The following HDAC9 variants were observed in gnomAD, a reference collection of about 807,000 sequenced individuals.
The protein encoded by HDAC9 is histone deacetylase 9, also known as MEF-2 interacting transcription repressor (MITR) protein.
Under a neutral mutation model 139.4 loss-of-function variants are expected in HDAC9, and 41 were observed. The observed-to-expected ratio is 0.29, with a 90% confidence interval of 0.23 to 0.38. The LOEUF is 0.38. Among genes scored for constraint, HDAC9 ranks in the 10% least tolerant of loss-of-function variants. The pLI is 1.00. For missense variants in HDAC9, 1,147 were observed against 1,297.0 expected (o/e 0.88, Z 1.78); for synonymous variants, 517 against 476.2 (o/e 1.09, Z -1.12).
intron 2 of HDAC9, among the ~76,000 whole-genome samples, chr7:18,182,244 T>C (rs1291236471): frequency 1.3e-5 from 2 of 152,162 alleles, no homozygotes; most frequent in African/African-American, 4.8e-5. Flanking sequence ...GAGGGTAAAA[T>C]GTATTTTATT....
Position 18,874,520 on chromosome 7 carries a change from G to T in HDAC9, c.2727G>T (p.Met909Ile), listed in dbSNP as rs1259851552. ...TGGCCAAAGAGTTTGATCCAGACAT[G>T]GTCTTAGTATCTGCTGGATTTGATG... ...KPVAKEFDPDMVLVSAGFDAL... is the reference protein window; with the variant it reads ...KPVAKEFDPDIVLVSAGFDAL... The change falls in exon 22 of 26, where the codon ATG (methionine) becomes ATT (isoleucine). Residue 909 changes from methionine (M) to isoleucine (I), a missense_variant. Around this residue, in one of 7 missense-constraint regions of HDAC9, gnomAD observed 407 missense variants for 521.5 expected, o/e 0.78. Coordinates refer to ENST00000686413, the MANE Select transcript of HDAC9 (RefSeq NM_178425.4). 6.3e-6 allele frequency: 10 copies of T among 1,594,392 alleles called. 1 individual carries two copies. The Admixed American group carries it at 1.7e-4, about 28-fold the overall frequency.
intron 2 of HDAC9, among the ~76,000 whole-genome samples, chr7:18,550,838 A>C (rs76883018): frequency 0.019 from 2,936 of 152,262 alleles, 104 homozygotes; most frequent in African/African-American, 0.066. Flanking sequence ...TCTGACTACA[A>C]AGGGCTTTTG....
chr7:18,285,223 T>C (rs2128221856), intron 2 of HDAC9, among the ~76,000 whole-genome samples: 1 of 152,230 alleles, frequency 6.6e-6, no homozygotes, highest in Non-Finnish European at 1.5e-5. Context: ...TAATACCAAG[T>C]CATAATGTAT....
intron 1 of HDAC9, among the ~76,000 whole-genome samples, chr7:18,457,647 C>A (rs887654542): frequency 6.6e-6 from 1 of 152,084 alleles, no homozygotes; most frequent in Non-Finnish European, 1.5e-5. Context: ...AGGTTATAAA[C>A]GTCTGCTCTA....
At chr7:18,927,638 A>G (rs999206561) in intron 22 of HDAC9, among the ~76,000 whole-genome samples, 2 of 152,240 alleles carry the variant, frequency 1.3e-5, no homozygotes, top group East Asian at 1.9e-4. Context: ...GGTCCCTACT[A>G]TATTAAATGT....
At chr7:18,106,554 G>C (rs1783220169) in intron 1 of HDAC9, among the ~76,000 whole-genome samples, 2 of 152,116 alleles carry the variant, frequency 1.3e-5, no homozygotes. Flanking sequence ...CCAGGTTCAA[G>C]TGATTCTCCT....
At chr7:18,995,616 G>C (rs987622975) in intron 25 of HDAC9, among the ~76,000 whole-genome samples, 1 of 152,206 alleles carries the variant, frequency 6.6e-6, no homozygotes, top group East Asian at 1.9e-4. Context: ...CAGAGCCCTA[G>C]TGAGTCTCCT....
At chr7:18,151,456 G>A (rs1388395300) in intron 1 of HDAC9, among the ~76,000 whole-genome samples, 2 of 152,176 alleles carry the variant, frequency 1.3e-5, no homozygotes, top group South Asian at 4.1e-4. Flanking sequence ...TTACTGATGG[G>A]ATCATTAAGA....
chr7:18,496,301 G>C lies in HDAC9; in HGVS notation c.-2G>C, dbSNP rs749282693. 1 of 1,613,178 alleles carries C rather than the reference G, an allele frequency of 6.2e-7. No homozygotes were observed. Among genetic ancestry groups the C allele is most frequent in the Admixed American group, 1.7e-5 (1 of 59,894 alleles). ...CGAGAGCAGCTCTTGGCTCAGCAAA[G>C]AATGCACAGTATGATCAGCTCAGGT... is the stretch of plus-strand genomic sequence containing the variant. On this transcript the variant is annotated 5_prime_UTR_variant, in exon 2 of 26. Coordinates refer to ENST00000686413, the MANE Select transcript of HDAC9 (RefSeq NM_178425.4).
At chr7:18,619,077 A>G (rs1218953999) in intron 6 of HDAC9, among the ~76,000 whole-genome samples, 3 of 152,184 alleles carry the variant, frequency 2.0e-5, no homozygotes, top group Non-Finnish European at 4.4e-5. Context: ...GGTAAATAAA[A>G]TATATTTGAA....
chr7:18,545,154 G>A (rs978535804), intron 2 of HDAC9, among the ~76,000 whole-genome samples: 3 of 152,178 alleles, frequency 2.0e-5, no homozygotes, highest in Admixed American at 6.5e-5. Context: ...AGACACCCCA[G>A]GGTGGACATA....
At chr7:18,834,919 C>T (rs1159759076) in intron 19 of HDAC9, among the ~76,000 whole-genome samples, 1 of 152,132 alleles carries the variant, frequency 6.6e-6, no homozygotes, top group Non-Finnish European at 1.5e-5. Context: ...GTATGTTTAG[C>T]GTTCTGTCAA....
At chr7:18,412,964 A>G (rs1283608117) in intron 1 of HDAC9, among the ~76,000 whole-genome samples, 1 of 152,242 alleles carries the variant, frequency 6.6e-6, no homozygotes, top group East Asian at 1.9e-4. Flanking sequence ...ACTACATTAG[A>G]AACAAGTGCC....
At chr7:18,374,902 A>G (rs1784871847) in intron 1 of HDAC9, among the ~76,000 whole-genome samples, 3 of 152,142 alleles carry the variant, frequency 2.0e-5, no homozygotes, top group South Asian at 2.1e-4. Context: ...TCCTAATGTC[A>G]TAGTGTAAAG....
intron 25 of HDAC9, among the ~76,000 whole-genome samples, chr7:18,993,115 C>A (rs1297678688): frequency 5.7e-5 from 3 of 53,090 alleles, no homozygotes; most frequent in Admixed American, 4.7e-4. Flanking sequence ...ATAAAGAAAT[C>A]ATCTTTTTTA....
intron 2 of HDAC9, among the ~76,000 whole-genome samples, chr7:18,530,131 A>T (rs1434824260): frequency 1.3e-5 from 2 of 151,952 alleles, no homozygotes; most frequent in Non-Finnish European, 2.9e-5. Context: ...ATAGAAATAA[A>T]AATAAAAAAA....
At chr7:18,165,950 C>T (rs960796258) in intron 2 of HDAC9, among the ~76,000 whole-genome samples, 5 of 152,116 alleles carry the variant, frequency 3.3e-5, no homozygotes, top group African/African-American at 1.2e-4. Context: ...TTATGGAGTG[C>T]CTTTATTTTC....
chr7:18,606,240 T>C (rs1201302911), intron 6 of HDAC9, among the ~76,000 whole-genome samples: 1 of 152,236 alleles, frequency 6.6e-6, no homozygotes, highest in Non-Finnish European at 1.5e-5. Flanking sequence ...TTCAGCTTTT[T>C]ACTTGTGGTG....
intron 17 of HDAC9, among the ~76,000 whole-genome samples, chr7:18,799,546 A>G (rs1202062160): frequency 1.3e-5 from 2 of 152,210 alleles, no homozygotes; most frequent in Admixed American, 1.3e-4. Context: ...ATGAGGATGT[A>G]TGACTCTATA....
Sources: gnomAD v4.1 joint callset for allele counts (sites outside exome capture counted in the v4.1 genomes callset) on GRCh38, gnomAD v4.1.1 for gene constraint, gnomAD v4.1.1 regional missense constraint, MANE v1.5 for transcripts, NCBI Gene and HGNC (gene_info 2026-07-23, HGNC 2026-07-21) for gene names.